NSD1: variants seen among roughly 807,000 people sequenced by gnomAD.
The protein encoded by NSD1 is nuclear receptor binding SET domain protein 1, also known as histone-lysine N-methyltransferase, H3 lysine-36 specific.
A neutral mutation model predicts 242.7 loss-of-function variants in NSD1; 26 were observed. That is an observed-to-expected ratio of 0.11 (90% CI 0.08 to 0.15). The LOEUF is 0.15. Ranked by LOEUF, NSD1 falls within the 10% of genes least tolerant of loss-of-function variation. NSD1 has a pLI of 1.00. For synonymous variants in NSD1, 1,106 were observed against 1,178.1 expected (o/e 0.94, Z 1.25); for missense variants, 2,495 against 3,272.8 (o/e 0.76, Z 5.80).
At chr5:177,166,629 A>T (rs1016726501) in intron 2 of NSD1, among the ~76,000 whole-genome samples, 1 of 151,816 alleles carries the variant, frequency 6.6e-6, no homozygotes, top group African/African-American at 2.4e-5. Context: ...TTTGTTGTTC[A>T]ATCTATGAAT....
intron 17 of NSD1, among the ~76,000 whole-genome samples, chr5:177,275,666 C>G (rs575866982): frequency 6.6e-6 from 1 of 152,122 alleles, no homozygotes; most frequent in Admixed American, 6.5e-5. Flanking sequence ...ATCTCCTGAC[C>G]TCGTGATCGG....
At chr5:177,147,205 A>G (rs1757323823) in intron 2 of NSD1, among the ~76,000 whole-genome samples, 1 of 152,020 alleles carries the variant, frequency 6.6e-6, no homozygotes, top group Admixed American at 6.6e-5. Context: ...TCCCAGGCTT[A>G]AGCGATCCTC....
At chr5:177,250,688 G>T (rs1429232828) in intron 11 of NSD1, among the ~76,000 whole-genome samples, 1 of 151,936 alleles carries the variant, frequency 6.6e-6, no homozygotes, top group Non-Finnish European at 1.5e-5. Context: ...GACATTTGAG[G>T]ATATCTCAGA....
chr5:177,278,106 A>G (rs1758546886), intron 17 of NSD1, among the ~76,000 whole-genome samples: 1 of 152,138 alleles, frequency 6.6e-6, no homozygotes, highest in Non-Finnish European at 1.5e-5. Context: ...GAAGTTTCCA[A>G]ACCTTACCAG....
At chr5:177,279,238 T>A (rs115548861) in intron 17 of NSD1, among the ~76,000 whole-genome samples, 7,411 of 152,182 alleles carry the variant, frequency 0.049, 198 homozygotes, top group South Asian at 0.081. Context: ...TCCCAGCACT[T>A]TCAGAGACCG....
At position 177,295,500 on chromosome 5, in the gene NSD1, G is replaced by T; in HGVS notation, c.*41G>T. Reference sequence around the variant, plus strand: ...CATGAACAAACAAGCTGCCCCCAGGGTACCATTTGGGGAGGGGAAATCTTT... The same window carrying T: ...CATGAACAAACAAGCTGCCCCCAGGTTACCATTTGGGGAGGGGAAATCTTT... On this transcript the variant is annotated 3_prime_UTR_variant, in exon 23 of 23. Transcript: ENST00000439151. The surrounding 1 kb of genome is among the most constrained non-coding windows in gnomAD (Gnocchi z 4.3). 1 of 1,596,682 alleles carries T rather than the reference G, an allele frequency of 6.3e-7. No homozygotes were observed.
intron 14 of NSD1, 30 bp downstream of exon 14, chr5:177,260,198 G>A: frequency 6.3e-7 from 1 of 1,598,134 alleles, no homozygotes; most frequent in Non-Finnish European, 8.6e-7. Context: ...TCTATTTGTA[G>A]TCTAAAAAGG....
chr5:177,203,925 C>T (rs1386408697), intron 3 of NSD1, among the ~76,000 whole-genome samples, 195 bp from the exon 4 acceptor site: 1 of 152,134 alleles, frequency 6.6e-6, no homozygotes, highest in Non-Finnish European at 1.5e-5. Flanking sequence ...TCATAACCTC[C>T]TGTGTATTTT....
intron 2 of NSD1, among the ~76,000 whole-genome samples, chr5:177,151,920 G>T (rs1757742260): frequency 6.6e-6 from 1 of 151,840 alleles, no homozygotes; most frequent in African/African-American, 2.4e-5. Flanking sequence ...GAGTGCAGTG[G>T]TGCCATCTCG....
At chr5:177,291,767 CAGG>C (rs1409153156) in intron 21 of NSD1, among the ~76,000 whole-genome samples, 184 bp from the exon 22 acceptor site, 2 of 152,154 alleles carry the variant, frequency 1.3e-5, no homozygotes, top group Admixed American at 6.5e-5. Flanking sequence ...GTTCAGGTGG[CAGG>C]AGTAGTTGAT....
chr5:177,145,769 G>A (rs13153816), intron 2 of NSD1, among the ~76,000 whole-genome samples: 11,549 of 152,126 alleles, frequency 0.076, 613 homozygotes, highest in Non-Finnish European at 0.12. Flanking sequence ...TTAGCCAGGC[G>A]TGATGGTGCG....
At chr5:177,267,941 ATT>A (rs1757632784) in intron 15 of NSD1, among the ~76,000 whole-genome samples, 1 of 125,746 alleles carries the variant, frequency 8.0e-6, no homozygotes, top group Admixed American at 9.1e-5. Flanking sequence ...TCTTTTGTGT[ATT>A]TTGTGAAAAG....
chr5:177,217,630 T>C (rs1581347644), intron 5 of NSD1, among the ~76,000 whole-genome samples: 1 of 151,846 alleles, frequency 6.6e-6, no homozygotes, highest in Non-Finnish European at 1.5e-5. Flanking sequence ...TAATTACTTT[T>C]TTGTTTGTGT....
intron 17 of NSD1, among the ~76,000 whole-genome samples, chr5:177,275,892 C>T (rs1473192039): frequency 6.6e-6 from 1 of 152,178 alleles, no homozygotes; most frequent in East Asian, 1.9e-4. Context: ...GATGGACTTA[C>T]ATGGTATTTA....
chr5:177,200,664 A>G (rs1199034680), intron 3 of NSD1, among the ~76,000 whole-genome samples: 1 of 152,056 alleles, frequency 6.6e-6, no homozygotes, highest in African/African-American at 2.4e-5. Flanking sequence ...CATTTGTCCT[A>G]TTGACCCCTT....
intron 2 of NSD1, among the ~76,000 whole-genome samples, chr5:177,153,562 TTC>T (rs1288901793): frequency 6.6e-6 from 1 of 152,168 alleles, no homozygotes. Context: ...CATATTAAAT[TTC>T]TGTCTCATTG....
intron 14 of NSD1, chr5:177,265,021 G>C: frequency 1.3e-6 from 1 of 774,326 alleles, no homozygotes; most frequent in East Asian, 2.4e-5. Context: ...TTCTTGCCAA[G>C]AGATTTCATG....
intron 2 of NSD1, among the ~76,000 whole-genome samples, chr5:177,163,987 A>AT (rs981095872): frequency 3.5e-4 from 53 of 149,866 alleles, no homozygotes; most frequent in East Asian, 3.1e-3. Flanking sequence ...AATGAGAGGA[A>AT]TTTTTTTTTT....
At chr5:177,228,749 A>C (rs1233731343) in intron 5 of NSD1, among the ~76,000 whole-genome samples, 1 of 152,180 alleles carries the variant, frequency 6.6e-6, no homozygotes, top group African/African-American at 2.4e-5. Flanking sequence ...GTCTTGATGA[A>C]AGAGATTTTA....
Sources: allele counts gnomAD v4.1 joint callset (sites outside exome capture counted in the v4.1 genomes callset), GRCh38; gene constraint gnomAD v4.1.1; non-coding constraint Gnocchi (gnomAD v3.1); transcripts MANE v1.5; gene names NCBI Gene and HGNC (gene_info 2026-07-23, HGNC 2026-07-21).